Variants in ASRGL1 observed in about 807,000 individuals in gnomAD.
ASRGL1 encodes isoaspartyl peptidase/L-asparaginase.
ASRGL1 carries 16 observed loss-of-function variants against 22.4 expected under a neutral mutation model. The ratio of observed to expected loss-of-function variants is 0.71; its 90% CI spans 0.48 to 1.08. The LOEUF is 1.08. Ranked by LOEUF, ASRGL1 falls within the 50% of genes least tolerant of loss-of-function variation. The pLI, the probability that ASRGL1 is intolerant of heterozygous loss-of-function variation, is 0.00. For missense variants in ASRGL1, 412 were observed against 410.1 expected (o/e 1.00, Z -0.04); for synonymous variants, 165 against 159.3 (o/e 1.04, Z -0.27).
At chr11:62,338,499 T>C (rs1945782412) in intron 2 of ASRGL1, among the ~76,000 whole-genome samples, 1 of 152,112 alleles carries the variant, frequency 6.6e-6, no homozygotes, top group Non-Finnish European at 1.5e-5. Flanking sequence ...GTGAGACTAC[T>C]GGGGGAGGGG....
At chr11:62,362,811 CAT>C (rs1171007223) in intron 4 of ASRGL1, among the ~76,000 whole-genome samples, 1 of 30,292 alleles carries the variant, frequency 3.3e-5, no homozygotes, top group African/African-American at 1.3e-4. Flanking sequence ...GCTTATCTGA[CAT>C]ACACACACAC....
intron 4 of ASRGL1, chr11:62,372,497 C>A: frequency 8.1e-7 from 1 of 1,235,288 alleles, no homozygotes; most frequent in Non-Finnish European, 1.2e-6. Context: ...AAGTTCATTG[C>A]CCGGGCACAG....
chr11:62,385,407 AG>A (rs1282707126), intron 4 of ASRGL1, among the ~76,000 whole-genome samples: 2 of 152,168 alleles, frequency 1.3e-5, no homozygotes, highest in African/African-American at 4.8e-5. Context: ...CCTGGGCTCA[AG>A]TGATCCTCCT....
chr11:62,393,369 A>G lies in ASRGL1; in HGVS notation c.*1085A>G, dbSNP rs1288397997. 6.6e-6 allele frequency: 1 copy of G among 152,186 alleles called. No homozygotes were observed. Among genetic ancestry groups the G allele is most frequent in the Non-Finnish European group, 1.5e-5 (1 of 68,048 alleles). 9.4% of individuals were successfully genotyped at this position (152,186 alleles called of 1,614,324 possible). A position where few individuals can be genotyped will look rare whatever the true frequency, so the allele number is the denominator to read the frequency against. ...CTTCTCTCTGGAAAGAATTTGCTTA[A>G]CTTGACATTCCATGTGCCGCTAATA... is the stretch of plus-strand genomic sequence containing the variant. On this transcript the variant is annotated 3_prime_UTR_variant, in exon 7 of 7. Coordinates refer to ENST00000415229, the MANE Select transcript of ASRGL1 (RefSeq NM_001083926.2).
intron 5 of ASRGL1, 122 bp downstream of exon 5, chr11:62,389,373 C>G: frequency 1.0e-6 from 1 of 974,816 alleles, no homozygotes; most frequent in Non-Finnish European, 1.6e-6. Flanking sequence ...TGGTGCAGCT[C>G]CAGGATGTCT....
At chr11:62,373,122 A>G in intron 4 of ASRGL1, 1 of 1,461,612 alleles carries the variant, frequency 6.8e-7, no homozygotes, top group Non-Finnish European at 9.6e-7. Flanking sequence ...TGAAAGTGAA[A>G]CTGAGAAAGA....
In ASRGL1 at chr11:62,357,163, T is replaced by G; in HGVS notation, c.491+19T>G. 6.2e-7 allele frequency: 1 copy of G among 1,608,640 alleles called. No individual in the cohort carries two copies. Among genetic ancestry groups the G allele is most frequent in the South Asian group, 1.1e-5 (1 of 90,520 alleles). ...GTCAAAAGTAAGTCTTACCTGTGGC[T>G]CGCATTATTTGGGAGTTATTAAAAT... is the stretch of plus-strand genomic sequence containing the variant. On this transcript the variant is annotated intron_variant, in intron 4 of 6. Coordinates refer to ENST00000415229, the MANE Select transcript of ASRGL1 (RefSeq NM_001083926.2).
intron 3 of ASRGL1, 26 bp from the exon 4 acceptor site, chr11:62,356,961 C>A (rs879366106): frequency 3.2e-6 from 5 of 1,564,552 alleles, no homozygotes; most frequent in African/African-American, 1.4e-5. Flanking sequence ...AAAAAACAAT[C>A]ATTTTCTCTT....
intron 2 of ASRGL1, among the ~76,000 whole-genome samples, chr11:62,345,910 A>G (rs1292754128): frequency 6.6e-6 from 1 of 152,122 alleles, no homozygotes; most frequent in Non-Finnish European, 1.5e-5. Context: ...AGTAATGCTC[A>G]TGCGCCTGCC....
chr11:62,364,690 G>A (rs1031549245), intron 4 of ASRGL1, among the ~76,000 whole-genome samples: 2 of 152,198 alleles, frequency 1.3e-5, no homozygotes, highest in Non-Finnish European at 2.9e-5. Context: ...CCTGCCATTT[G>A]CAGCAACTTG....
intron 4 of ASRGL1, among the ~76,000 whole-genome samples, chr11:62,386,891 TG>T (rs1947224963): frequency 7.2e-6 from 1 of 139,718 alleles, no homozygotes. Flanking sequence ...GTGGAAAGAA[TG>T]ATTTTTTTTT....
chr11:62,339,571 T>C (rs1324713326), intron 2 of ASRGL1, among the ~76,000 whole-genome samples: 1 of 152,228 alleles, frequency 6.6e-6, no homozygotes, highest in Admixed American at 6.5e-5. Context: ...TTATTGAATC[T>C]GAACATTAAA....
At chr11:62,381,320 A>G (rs1947061649) in intron 4 of ASRGL1, among the ~76,000 whole-genome samples, 2 of 152,132 alleles carry the variant, frequency 1.3e-5, no homozygotes, top group Admixed American at 6.5e-5. Context: ...TTCAGGATAT[A>G]TTACCTCCTG....
chr11:62,338,078 G>T lies in ASRGL1; in HGVS notation c.101G>T (p.Gly34Val). ...GGCATGGTCAGAGCCGCCACCGTGGGCTACGGCATCCTCCGGGAGGGCGGG... is the reference window on the plus strand; with the variant it reads ...GGCATGGTCAGAGCCGCCACCGTGGTCTACGGCATCCTCCGGGAGGGCGGG... ...HQGMVRAATVGYGILREGGSA... is the reference protein window; with the variant it reads ...HQGMVRAATVVYGILREGGSA... The change falls in exon 2 of 7, where the codon GGC becomes GTC. Residue 34 changes from glycine to valine, a missense_variant. By Grantham distance (109) the Gly-to-Val change is moderately radical. Transcript: ENST00000415229. 1.2e-6 allele frequency: 2 copies of T among 1,607,946 alleles called. No individual in the cohort carries two copies. The highest frequency in any genetic ancestry group is 1.7e-6 in the Non-Finnish European group (2 of 1,177,654).
chr11:62,363,385 T>G (rs1946532092), intron 4 of ASRGL1, among the ~76,000 whole-genome samples: 1 of 152,158 alleles, frequency 6.6e-6, no homozygotes, highest in Non-Finnish European at 1.5e-5. Flanking sequence ...AGATAATCCC[T>G]AAACCAGTTT....
chr11:62,353,284 T>C (rs1447210652), intron 2 of ASRGL1, among the ~76,000 whole-genome samples: 1 of 152,034 alleles, frequency 6.6e-6, no homozygotes, highest in African/African-American at 2.4e-5. Flanking sequence ...TTATATTTCT[T>C]TGCTGAAACT....
chr11:62,369,414 A>G (rs1437546212), intron 4 of ASRGL1, among the ~76,000 whole-genome samples: 3 of 152,138 alleles, frequency 2.0e-5, no homozygotes, highest in Admixed American at 6.5e-5. Flanking sequence ...TTCTTTCTAC[A>G]TAGACACAGT....
chr11:62,340,664 A>G (rs1945842220), intron 2 of ASRGL1, among the ~76,000 whole-genome samples: 1 of 152,132 alleles, frequency 6.6e-6, no homozygotes, highest in South Asian at 2.1e-4. Flanking sequence ...TCTATTCCGC[A>G]TATTGAGGAA....
At chr11:62,388,669 C>CA (rs772803061) in intron 4 of ASRGL1, among the ~76,000 whole-genome samples, 19,446 of 62,276 alleles carry the variant, frequency 0.31, 2,537 homozygotes, top group South Asian at 0.43. Context: ...GACTTCATCT[C>CA]AAAAAAAAAA....
Sources: allele counts gnomAD v4.1 joint callset (sites outside exome capture counted in the v4.1 genomes callset), GRCh38; gene constraint gnomAD v4.1.1; transcripts MANE v1.5; gene names NCBI Gene and HGNC (gene_info 2026-07-23, HGNC 2026-07-21).